Variants in PDLIM5 observed in about 807,000 individuals in gnomAD.
PDLIM5 encodes the protein PDZ and LIM domain 5.
PDLIM5 carries 34 observed loss-of-function variants against 64.2 expected under a neutral mutation model. The ratio of observed to expected loss-of-function variants is 0.53; its 90% CI spans 0.40 to 0.71. The LOEUF is 0.71. Ranked by LOEUF, PDLIM5 falls within the 30% of genes least tolerant of loss-of-function variation. The probability of loss-of-function intolerance (pLI) is 0.00; values close to 1 mark genes in which losing one functional copy is unlikely to be tolerated. For missense variants in PDLIM5, 683 were observed against 733.6 expected (o/e 0.93, Z 0.80); for synonymous variants, 253 against 269.1 (o/e 0.94, Z 0.59).
At chr4:94,639,279 G>T (rs1374491189) in intron 8 of PDLIM5, among the ~76,000 whole-genome samples, 4 of 152,174 alleles carry the variant, frequency 2.6e-5, no homozygotes, top group Admixed American at 6.5e-5. Context: ...CCACTGGGGG[G>T]ATTTGTATGC....
At chr4:94,479,167 T>TGGGATTACAGGCATGAGCCACTGGG (rs1725620900) in intron 2 of PDLIM5, among the ~76,000 whole-genome samples, 1 of 151,366 alleles carries the variant, frequency 6.6e-6, no homozygotes, top group African/African-American at 2.4e-5. Flanking sequence ...TCCAAAGTGC[T>TGGGATTACAGGCATGAGCCACTGGG]GGGATTACAG....
chr4:94,642,686 G>A lies in PDLIM5; in HGVS notation c.1283+2236G>A, dbSNP rs73834227. Among the ~76,000 whole-genome samples the A allele has an allele frequency of 8.6e-3, 1,316 of 152,260 alleles. 21 individuals carry two copies. The highest frequency in any genetic ancestry group is 0.03 in the African/African-American group (1,254 of 41,558). ...TAGCACATTTGCCTGGTGCTCAAAT[G>A]CTTAAGCAGCTTGAATCGATTGTGG... is the stretch of plus-strand genomic sequence containing the variant. On this transcript the variant is annotated intron_variant, in intron 9 of 12. Coordinates refer to ENST00000317968, the MANE Select transcript of PDLIM5 (RefSeq NM_006457.5).
At chr4:94,555,749 T>C (rs1266374292) in intron 3 of PDLIM5, among the ~76,000 whole-genome samples, 2 of 151,956 alleles carry the variant, frequency 1.3e-5, no homozygotes, top group African/African-American at 4.8e-5. Context: ...CTACAAGGTA[T>C]AGGTATAGGG....
At chr4:94,491,879 C>G (rs1726908209) in intron 2 of PDLIM5, among the ~76,000 whole-genome samples, 1 of 151,926 alleles carries the variant, frequency 6.6e-6, no homozygotes, top group Non-Finnish European at 1.5e-5. Context: ...CCCTCTACCT[C>G]AATTACTTAT....
chr4:94,459,438 G>A (rs755376901), intron 2 of PDLIM5, among the ~76,000 whole-genome samples: 1 of 152,206 alleles, frequency 6.6e-6, no homozygotes, highest in African/African-American at 2.4e-5. Flanking sequence ...ATTCTAATTG[G>A]ATTTGAAAAG....
intron 2 of PDLIM5, among the ~76,000 whole-genome samples, chr4:94,506,374 C>T (rs1186151502): frequency 6.6e-6 from 1 of 152,108 alleles, no homozygotes; most frequent in Non-Finnish European, 1.5e-5. Flanking sequence ...TTATAAACGA[C>T]ATTATTTTAT....
Position 94,455,242 on chromosome 4 carries a change from C to G in PDLIM5, c.-42-5C>G. ...TTTTGCTAATCATCTGATTTTCTTT[C>G]ACAGCATATTTCATTTTCTGTCATT... On this transcript the variant is annotated splice_polypyrimidine_tract_variant and splice_region_variant and intron_variant, in intron 1 of 12. Coordinates refer to ENST00000317968, the MANE Select transcript of PDLIM5 (RefSeq NM_006457.5). 9.1e-7 allele frequency: 1 copy of G among 1,095,598 alleles called. No homozygotes were observed. The highest frequency in any genetic ancestry group is 1.4e-6 in the Non-Finnish European group (1 of 718,968). 67.9% of individuals were successfully genotyped at this position (1,095,598 alleles called of 1,614,324 possible).
chr4:94,521,491 C>T (rs1348455252), intron 2 of PDLIM5, among the ~76,000 whole-genome samples: 1 of 151,800 alleles, frequency 6.6e-6, no homozygotes, highest in African/African-American at 2.4e-5. Context: ...ATCCATGTGG[C>T]TATAGGATTC....
intron 2 of PDLIM5, among the ~76,000 whole-genome samples, chr4:94,495,656 C>T (rs1302552156): frequency 2.0e-5 from 3 of 152,168 alleles, no homozygotes; most frequent in African/African-American, 7.2e-5. Flanking sequence ...ATGCATATTA[C>T]TAAGGACAGA....
chr4:94,494,742 A>G (rs1560654114), intron 2 of PDLIM5, among the ~76,000 whole-genome samples: 1 of 150,110 alleles, frequency 6.7e-6, no homozygotes, highest in African/African-American at 2.5e-5. Context: ...GCCTGACCAC[A>G]GTTTTTTTGC....
At chr4:94,594,955 C>T (rs1469876943) in intron 7 of PDLIM5, among the ~76,000 whole-genome samples, 1 of 152,096 alleles carries the variant, frequency 6.6e-6, no homozygotes, top group Non-Finnish European at 1.5e-5. Context: ...GTTTGATTGA[C>T]TCATAGTTCC....
At chr4:94,506,553 T>C (rs993442465) in intron 2 of PDLIM5, among the ~76,000 whole-genome samples, 3 of 152,174 alleles carry the variant, frequency 2.0e-5, no homozygotes, top group African/African-American at 7.2e-5. Context: ...ATATTACTAA[T>C]TTTATTCATG....
chr4:94,597,564 G>C (rs1737164042), intron 7 of PDLIM5, among the ~76,000 whole-genome samples: 1 of 152,042 alleles, frequency 6.6e-6, no homozygotes, highest in Non-Finnish European at 1.5e-5. Context: ...AAAACCCAGA[G>C]GTTTATTTAT....
chr4:94,537,768 A>T (rs1731439443), intron 3 of PDLIM5, among the ~76,000 whole-genome samples: 1 of 152,226 alleles, frequency 6.6e-6, no homozygotes, highest in African/African-American at 2.4e-5. Context: ...GAGTTAAGTA[A>T]GTACTTCAGA....
At chr4:94,584,110 A>T (rs1267148966) in intron 5 of PDLIM5, among the ~76,000 whole-genome samples, 1 of 152,190 alleles carries the variant, frequency 6.6e-6, no homozygotes, top group African/African-American at 2.4e-5. Context: ...TGGCCTGCGG[A>T]TAGCACTATG....
rs546891868 is a variant in PDLIM5 at position 94,545,330 on chromosome 4, A to G, written c.248+21455A>G. ...AATATGTCAGCATCTTTTGTTAACCATGTACTCATATAATATCTTTTTAGA... is the reference window on the plus strand; with the variant it reads ...AATATGTCAGCATCTTTTGTTAACCGTGTACTCATATAATATCTTTTTAGA... On this transcript the variant is annotated intron_variant, in intron 3 of 12. Coordinates refer to ENST00000317968, the MANE Select transcript of PDLIM5 (RefSeq NM_006457.5). 1.1e-3 allele frequency among the ~76,000 whole-genome samples: 168 copies of G among 152,288 alleles called. 1 individual carries two copies. Among genetic ancestry groups the G allele is most frequent in the South Asian group, 0.011 (52 of 4,826 alleles).
At chr4:94,516,777 C>T (rs1254279356) in intron 2 of PDLIM5, among the ~76,000 whole-genome samples, 1 of 152,130 alleles carries the variant, frequency 6.6e-6, no homozygotes, top group African/African-American at 2.4e-5. Flanking sequence ...AGCGATCCTC[C>T]CACCTCAGTC....
chr4:94,633,838 T>C (rs771655276), intron 8 of PDLIM5, among the ~76,000 whole-genome samples: 9 of 152,100 alleles, frequency 5.9e-5, no homozygotes, highest in Non-Finnish European at 1.2e-4. Flanking sequence ...TGCTGTTTTG[T>C]ATAGGATGGT....
chr4:94,482,079 C>T (rs1423173238), intron 2 of PDLIM5, among the ~76,000 whole-genome samples: 1 of 149,938 alleles, frequency 6.7e-6, no homozygotes, highest in Non-Finnish European at 1.5e-5. Flanking sequence ...TATTTTTAAT[C>T]ATCTGTGAAG....
Sources: allele counts gnomAD v4.1 joint callset (sites outside exome capture counted in the v4.1 genomes callset), GRCh38; gene constraint gnomAD v4.1.1; transcripts MANE v1.5; gene names NCBI Gene and HGNC (gene_info 2026-07-23, HGNC 2026-07-21).